Variants in FBXO48 observed in about 807,000 individuals in gnomAD.
FBXO48 encodes the protein F-box only protein 48.
A neutral mutation model predicts 14.3 loss-of-function variants in FBXO48; 12 were observed. The observed-to-expected ratio is 0.84, with a 90% CI of 0.54 to 1.36. FBXO48 has a LOEUF of 1.36. Ranked by LOEUF, FBXO48 falls within the 40% of genes most tolerant of loss-of-function variation. The pLI is 0.00. For missense variants in FBXO48, 177 were observed against 179.1 expected (o/e 0.99, Z 0.07); for synonymous variants, 53 against 61.7 (o/e 0.86, Z 0.66).
In FBXO48 at chr2:68,467,237, G is replaced by A. The variant is rs191313951; in HGVS notation, c.-387C>T. On this transcript the variant is annotated 5_prime_UTR_variant, in exon 1 of 4. Transcript: ENST00000377957. Reference sequence around the variant, plus strand: ...AGGCCGCGGTAGCTTCTCCTCCCGCGATTTAAATCCACCGGAATTCGAATC... The same window carrying A: ...AGGCCGCGGTAGCTTCTCCTCCCGCAATTTAAATCCACCGGAATTCGAATC... 398 of 152,756 alleles carry A rather than the reference G, an allele frequency of 2.6e-3. No individual in the cohort carries two copies. The highest frequency in any genetic ancestry group is 9.3e-3 in the African/African-American group (388 of 41,610). 9.5% of individuals were successfully genotyped at this position (152,756 alleles called of 1,614,324 possible). A position where few individuals can be genotyped will look rare whatever the true frequency, so the allele number is the denominator to read the frequency against.
chr2:68,465,053 T>A lies in FBXO48; in HGVS notation c.93A>T (p.Gln31His). 3 of 1,613,998 alleles carry A rather than the reference T, an allele frequency of 1.9e-6. No homozygotes were observed. Among genetic ancestry groups the A allele is most frequent in the Non-Finnish European group, 2.5e-6 (3 of 1,180,006 alleles). The change falls in exon 3 of 4, where the codon CAA (glutamine) becomes CAT (histidine). Residue 31 changes from glutamine to histidine, a missense_variant. By Grantham distance (24) the Gln-to-His change is conservative. Transcript: ENST00000377957. ...CAGGCAGCAGTTCAAAAAAGTTGTTTTGACTCTCATTTTTTTCCTTCTCAG... is the reference window on the plus strand; with the variant it reads ...CAGGCAGCAGTTCAAAAAAGTTGTTATGACTCTCATTTTTTTCCTTCTCAG... Reference protein sequence around the residue: ...VDAEKEKNESQNNFFELLPAE... With the variant: ...VDAEKEKNESHNNFFELLPAE...
Position 68,464,149 on chromosome 2 carries a change from C to A in FBXO48, c.*60G>T. 1 of 1,493,698 alleles carries A rather than the reference C, an allele frequency of 6.7e-7. No homozygotes were observed. Among genetic ancestry groups the A allele is most frequent in the Non-Finnish European group, 9.3e-7 (1 of 1,078,812 alleles). The allele number at this position is 1,493,698 out of a possible 1,614,324, so 92.5% of individuals were successfully genotyped here. A position where few individuals can be genotyped will look rare whatever the true frequency, so the allele number is the denominator to read the frequency against. On this transcript the variant is annotated 3_prime_UTR_variant, in exon 4 of 4. Transcript: ENST00000377957. ...ACGAATAAAGATATCGCTTTTGCAA[C>A]CTAAGAGTCATTTAAGTTTTAAACT...
rs1359042584 is a variant in FBXO48 at position 68,461,163 on chromosome 2, A to G, written c.*3046T>C. On this transcript the variant is annotated 3_prime_UTR_variant, in exon 4 of 4. Transcript: ENST00000377957. Reference sequence around the variant, plus strand: ...TGATGGTGAAACTCAATTTGAATTAATTTAGGTAAGCAGATAAGGAATGGC... The same window carrying G: ...TGATGGTGAAACTCAATTTGAATTAGTTTAGGTAAGCAGATAAGGAATGGC... 6.6e-6 allele frequency: 1 copy of G among 152,188 alleles called. No individual in the cohort carries two copies. Among genetic ancestry groups the G allele is most frequent in the Non-Finnish European group, 1.5e-5 (1 of 68,022 alleles). 9.4% of individuals were successfully genotyped at this position (152,188 alleles called of 1,614,324 possible). A position where few individuals can be genotyped will look rare whatever the true frequency, so the allele number is the denominator to read the frequency against.
rs1675258362 is a variant in FBXO48, at chr2:68,461,307, T to TTTTTTTTTA, written c.*2901_*2902insTAAAAAAAA. 6.9e-6 allele frequency: 1 copy of TTTTTTTTTA among 145,362 alleles called. No individual in the cohort carries two copies. The highest frequency in any genetic ancestry group is 2.7e-5 in the African/African-American group (1 of 37,482). 9.0% of individuals were successfully genotyped at this position (145,362 alleles called of 1,614,324 possible). On this transcript the variant is annotated 3_prime_UTR_variant, in exon 4 of 4. Coordinates refer to ENST00000377957, the MANE Select transcript of FBXO48 (RefSeq NM_001024680.3). ...GTTTTCTTTTTTTTTTTTTTTTTTT[T>TTTTTTTTTA]GAGACGGAGTCTCGCTCTGTCGCCC...
chr2:68,465,061 C>G lies in FBXO48; in HGVS notation c.85G>C (p.Glu29Gln). Residue 29 changes from glutamate (E) to glutamine (Q), a missense_variant, in exon 3 of 4, where the codon GAG (glutamate) becomes CAG (glutamine). By Grantham distance (29) the Glu-to-Gln change is conservative. Coordinates refer to ENST00000377957, the MANE Select transcript of FBXO48 (RefSeq NM_001024680.3). ...AGTTCAAAAAAGTTGTTTTGACTCT[C>G]ATTTTTTTCCTTCTCAGCATCCACA... The part of the protein sequence containing the change: ...NSVDAEKEKN[E>Q]SQNNFFELLP... 1.2e-6 allele frequency: 2 copies of G among 1,613,896 alleles called. No homozygotes were observed. Among genetic ancestry groups the G allele is most frequent in the Non-Finnish European group, 1.7e-6 (2 of 1,179,966 alleles).
At position 68,464,723 on chromosome 2, in the gene FBXO48, C is replaced by G; in HGVS notation, c.306+117G>C. 9.4e-6 allele frequency: 7 copies of G among 746,558 alleles called. No individual in the cohort carries two copies. The Admixed American group carries it at 1.2e-4, about 12-fold the overall frequency. 46.2% of individuals were successfully genotyped at this position (746,558 alleles called of 1,614,324 possible). ...TAACTCATTTCCAAGAGTCAACACA[C>G]TGTCTGTGTTATTCTGCATATGTAA... is the stretch of plus-strand genomic sequence containing the variant. On this transcript the variant is annotated intron_variant, in intron 3 of 3. Coordinates refer to ENST00000377957, the MANE Select transcript of FBXO48 (RefSeq NM_001024680.3).
intron 1 of FBXO48, among the ~76,000 whole-genome samples, 184 bp downstream of exon 1, chr2:68,467,027 T>A (rs207461839): frequency 6.6e-5 from 10 of 152,108 alleles, no homozygotes. Context: ...ACCCTCCTTG[T>A]GTCCCGCGCG....
In FBXO48 at chr2:68,461,760, A is replaced by G. The variant is rs1301767806; in HGVS notation, c.*2449T>C. ...AATGTAAAAAAAAAAAAACAAGAAA[A>G]CAAAAAACCCAGCTGGGTGCGGTGG... On this transcript the variant is annotated 3_prime_UTR_variant, in exon 4 of 4. Transcript: ENST00000377957. The G allele has an allele frequency of 6.6e-6, 1 of 151,838 alleles. No individual in the cohort carries two copies. Among genetic ancestry groups the G allele is most frequent in the African/African-American group, 2.4e-5 (1 of 41,310 alleles). The allele number at this position is 151,838 out of a possible 1,614,324, so 9.4% of individuals were successfully genotyped here.
chr2:68,466,064 A>G, intron 2 of FBXO48, 80 bp downstream of exon 2: 1 of 152,242 alleles, frequency 6.6e-6, no homozygotes. Context: ...TGACAACTGT[A>G]AACAATGTTT....
rs1463624859 is a variant in FBXO48 at position 68,464,913 on chromosome 2, G to C, written c.233C>G (p.Pro78Arg). ...CACAGCTCTTACAGTCATGCAGTGAGGTTTCCATAAAGAGTCACTGTTTCT... is the reference window on the plus strand; with the variant it reads ...CACAGCTCTTACAGTCATGCAGTGACGTTTCCATAAAGAGTCACTGTTTCT... ...TIRNSDSLWK[P>R]HCMTVRAVCR... The change falls in exon 3 of 4, where the codon CCT becomes CGT. Residue 78 changes from proline (P) to arginine (R), a missense_variant. Physicochemically the swap from Pro to Arg is moderately radical, Grantham distance 103. Transcript: ENST00000377957. 6.2e-7 allele frequency: 1 copy of C among 1,613,758 alleles called. No individual in the cohort carries two copies. The highest frequency in any genetic ancestry group is 8.5e-7 in the Non-Finnish European group (1 of 1,180,008).
rs566301181 is a variant in FBXO48 at position 68,464,819 on chromosome 2, G to C, written c.306+21C>G. 5 of 1,577,242 alleles carry C rather than the reference G, an allele frequency of 3.2e-6. No individual in the cohort carries two copies. In the Admixed American group the frequency reaches 8.4e-5, roughly 27 times the overall value. On this transcript the variant is annotated intron_variant, in intron 3 of 3. Transcript: ENST00000377957. ...TCATAACGCTGTCAACAACACTGCA[G>C]ATCGCAAAGATTAAACTTACCCTCC...
chr2:68,465,833 G>T (rs1675394927), intron 2 of FBXO48, among the ~76,000 whole-genome samples: 1 of 152,150 alleles, frequency 6.6e-6, no homozygotes, highest in South Asian at 2.1e-4. Flanking sequence ...GTTTATATAA[G>T]AATTTTATCT....
Position 68,463,605 on chromosome 2 carries a change from T to TC in FBXO48, c.*603_*604insG, listed in dbSNP as rs1675321227. On this transcript the variant is annotated 3_prime_UTR_variant, in exon 4 of 4. Transcript: ENST00000377957. ...GAGCCGTTCCAGGTTTATATAAAAT[T>TC]AATGGGAATCTCAATTGGACAAACT... 6.6e-6 allele frequency: 1 copy of TC among 152,150 alleles called. No individual in the cohort carries two copies. Among genetic ancestry groups the TC allele is most frequent in the Non-Finnish European group, 1.5e-5 (1 of 68,056 alleles). The allele number at this position is 152,150 out of a possible 1,614,324, so 9.4% of individuals were successfully genotyped here. A position where few individuals can be genotyped will look rare whatever the true frequency, so the allele number is the denominator to read the frequency against.
At position 68,465,240 on chromosome 2, in the gene FBXO48, C is replaced by G. The variant is rs1037289531; in HGVS notation, c.-33-62G>C. On this transcript the variant is annotated intron_variant, in intron 2 of 3. Transcript: ENST00000377957. ...TAGGAGTATAAATCCTACTTTAAGT[C>G]AGATGCTTTTTGGGTATAATTTAAG... The G allele has an allele frequency of 7.1e-6, 6 of 840,096 alleles. No homozygotes were observed. The African/African-American group carries it at 1.0e-4, about 14-fold the overall frequency. 52.0% of individuals were successfully genotyped at this position (840,096 alleles called of 1,614,324 possible).
Position 68,466,877 on chromosome 2 carries a change from C to G in FBXO48, c.-361+334G>C, listed in dbSNP as rs1675431119. On this transcript the variant is annotated intron_variant, in intron 1 of 3. Transcript: ENST00000377957. ...AACTGAGCTTTCCTGAATTCTCTCT[C>G]AAGTGAAGTAAAAGCTCGTCCCCCT... 2.0e-5 allele frequency among the ~76,000 whole-genome samples: 3 copies of G among 152,172 alleles called. No individual in the cohort carries two copies. The South Asian group carries it at 6.2e-4, about 32-fold the overall frequency.
chr2:68,464,871 T>A lies in FBXO48; in HGVS notation c.275A>T (p.Asp92Val). Reference sequence around the variant, plus strand: ...GGAATAACCACTTTCTAGATCATCATCTATTTCTCTTCGGCACACAGCTCT... The same window carrying A: ...GGAATAACCACTTTCTAGATCATCAACTATTTCTCTTCGGCACACAGCTCT... ...TVRAVCRREI[D>V]DDLESGYSWR... The change falls in exon 3 of 4, where the codon GAT (aspartate) becomes GTT (valine). Residue 92 changes from aspartate to valine, a missense_variant. Asp to Val is a radical substitution (Grantham distance 152). Transcript: ENST00000377957. 10 of 1,613,178 alleles carry A rather than the reference T, an allele frequency of 6.2e-6. No homozygotes were observed. Among genetic ancestry groups the A allele is most frequent in the Non-Finnish European group, 8.5e-6 (10 of 1,179,790 alleles).
Position 68,463,986 on chromosome 2 carries a change from TATAAAA to T in FBXO48, c.*217_*222del. 2.3e-6 allele frequency: 1 copy of T among 440,288 alleles called. No individual in the cohort carries two copies. Among genetic ancestry groups the T allele is most frequent in the Non-Finnish European group, 4.1e-6 (1 of 243,760 alleles). 27.3% of individuals were successfully genotyped at this position (440,288 alleles called of 1,614,324 possible). A position where few individuals can be genotyped will look rare whatever the true frequency, so the allele number is the denominator to read the frequency against. ...ATCACTCTATCAGTATATTATTTCT[TATAAAA>T]ATAACATTTCATGATTTTTCCACAT... On this transcript the variant is annotated 3_prime_UTR_variant, in exon 4 of 4. Coordinates refer to ENST00000377957, the MANE Select transcript of FBXO48 (RefSeq NM_001024680.3).
At chr2:68,465,832 A>T (rs973282145) in intron 2 of FBXO48, among the ~76,000 whole-genome samples, 4 of 152,198 alleles carry the variant, frequency 2.6e-5, no homozygotes, top group African/African-American at 9.7e-5. Flanking sequence ...TGTTTATATA[A>T]GAATTTTATC....
rs1324061319 is a variant in FBXO48, at chr2:68,461,278, T to TTTCG, written c.*2927_*2930dup. Reference sequence around the variant, plus strand: ...CCACATTCTCTTACTTAAGATCCGTTTTCGTTTTCTTTTTTTTTTTTTTTT... The same window carrying TTTCG: ...CCACATTCTCTTACTTAAGATCCGTTTTCGTTCGTTTTCTTTTTTTTTTTTTTTT... On this transcript the variant is annotated 3_prime_UTR_variant, in exon 4 of 4. Transcript: ENST00000377957. 1 of 147,012 alleles carries TTTCG rather than the reference T, an allele frequency of 6.8e-6. No homozygotes were observed. The highest frequency in any genetic ancestry group is 1.5e-5 in the Non-Finnish European group (1 of 67,952). The allele number at this position is 147,012 out of a possible 1,614,324, so 9.1% of individuals were successfully genotyped here.
Sources: allele counts gnomAD v4.1 joint callset (sites outside exome capture counted in the v4.1 genomes callset), GRCh38; gene constraint gnomAD v4.1.1; transcripts MANE v1.5; gene names NCBI Gene and HGNC (gene_info 2026-07-23, HGNC 2026-07-21).